The following PRPF39 variants were observed in gnomAD, a reference collection of about 807,000 sequenced individuals.
PRPF39 encodes the protein pre-mRNA-processing factor 39.
Under a neutral mutation model 82.1 loss-of-function variants are expected in PRPF39, and 27 were observed. That is an observed-to-expected ratio of 0.33 (90% confidence interval 0.24 to 0.45). The LOEUF (loss-of-function observed/expected upper bound fraction) is 0.45, where lower values mean the gene tolerates loss of function less well. Ranked by LOEUF, PRPF39 falls within the 20% of genes least tolerant of loss-of-function variation. The pLI, the probability that PRPF39 is intolerant of heterozygous loss-of-function variation, is 1.00. For missense variants in PRPF39, 581 were observed against 796.9 expected, an observed-to-expected ratio of 0.73 and a Z score of 3.26; for synonymous variants, 261 against 256.4, an observed-to-expected ratio of 1.02 and a Z score of -0.17.
chr14:45,111,631 C>CTT (rs58863567), intron 10 of PRPF39, among the ~76,000 whole-genome samples: 1,683 of 58,786 alleles, frequency 0.029, 352 homozygotes, highest in Non-Finnish European at 0.038. Context: ...TGCACCTGGG[C>CTT]TTTTTTTTTT....
intron 5 of PRPF39, 121 bp from the exon 6 acceptor site, chr14:45,107,330 G>T (rs1284572373): frequency 1.9e-5 from 13 of 699,658 alleles, no homozygotes; most frequent in Non-Finnish European, 2.7e-5. Context: ...AGGAGAAAAG[G>T]TATGATATTT....
intron 1 of PRPF39, among the ~76,000 whole-genome samples, chr14:45,084,580 G>T (rs941527864): frequency 2.6e-5 from 4 of 152,178 alleles, no homozygotes; most frequent in Admixed American, 2.6e-4. Flanking sequence ...GCTGGAACAC[G>T]GCTGGGGTGG....
Position 45,096,028 on chromosome 14 carries a change from A to G in PRPF39, c.325-75A>G, listed in dbSNP as rs992745353. ...TTTATTATTATTTTTTTAGATAATA[A>G]CGTTTGAAAGGAATAATAAATATTT... On this transcript the variant is annotated intron_variant, in intron 2 of 13. Transcript: ENST00000355765. 3.1e-6 allele frequency: 4 copies of G among 1,301,874 alleles called. No homozygotes were observed. In the African/African-American group the frequency reaches 6.0e-5, roughly 20 times the overall value. 80.6% of individuals were successfully genotyped at this position (1,301,874 alleles called of 1,614,324 possible). A position where few individuals can be genotyped will look rare whatever the true frequency, so the allele number is the denominator to read the frequency against.
chr14:45,102,769 A>T, intron 5 of PRPF39, 73 bp downstream of exon 5: 1 of 1,351,602 alleles, frequency 7.4e-7, no homozygotes, highest in South Asian at 1.4e-5. Context: ...TATTATAATT[A>T]TCTTGGAATG....
chr14:45,112,564 G>A, intron 11 of PRPF39, 62 bp downstream of exon 11: 2 of 1,364,836 alleles, frequency 1.5e-6, no homozygotes, highest in Non-Finnish European at 1.9e-6. Context: ...TTTGTATGGG[G>A]ATTTGATGAT....
rs775733628 is a variant in PRPF39 at position 45,108,390 on chromosome 14, A to ATT, written c.904-19_904-18dup. On this transcript the variant is annotated intron_variant, in intron 6 of 13. Transcript: ENST00000355765. ...TTTCAGTATACAGTTTGTGAGATTT[A>ATT]TTTTTTTCCCTTTTTCTTCCCAAGC... 5.1e-6 allele frequency: 8 copies of ATT among 1,560,660 alleles called. No homozygotes were observed. In the South Asian group the frequency reaches 9.8e-5, roughly 19 times the overall value.
intron 5 of PRPF39, among the ~76,000 whole-genome samples, chr14:45,104,782 C>G (rs1390995994): frequency 6.6e-6 from 1 of 152,162 alleles, no homozygotes; most frequent in Non-Finnish European, 1.5e-5. Context: ...CTGGTGGTTC[C>G]TGAGCTCTAG....
chr14:45,105,084 C>T (rs957457924), intron 5 of PRPF39, among the ~76,000 whole-genome samples: 1 of 152,096 alleles, frequency 6.6e-6, no homozygotes, highest in African/African-American at 2.4e-5. Context: ...AGGCTTAATT[C>T]TTTGTATCTC....
At chr14:45,114,129 T>TAATA in intron 11 of PRPF39, 54 bp from the exon 12 acceptor site, 1 of 1,310,790 alleles carries the variant, frequency 7.6e-7, no homozygotes, top group Non-Finnish European at 1.1e-6. Flanking sequence ...TTTAAATATT[T>TAATA]AATAAAGTTT....
intron 1 of PRPF39, among the ~76,000 whole-genome samples, chr14:45,085,199 C>T (rs1212189263): frequency 6.6e-6 from 1 of 152,212 alleles, no homozygotes; most frequent in Non-Finnish European, 1.5e-5. Flanking sequence ...GTCAGGTTTT[C>T]CTCCTCCCTC....
chr14:45,107,625 T>A lies in PRPF39; in HGVS notation c.903+9T>A, dbSNP rs753729399. ...TAACCGATCCTGCAAAGGTAACCAG[T>A]CTTATTCTAAAGTTCGTCAGTGGCC... is the stretch of plus-strand genomic sequence containing the variant. On this transcript the variant is annotated intron_variant, in intron 6 of 13. Coordinates refer to ENST00000355765, the MANE Select transcript of PRPF39 (RefSeq NM_017922.4). 3.2e-5 allele frequency: 50 copies of A among 1,549,986 alleles called. No individual in the cohort carries two copies. Among genetic ancestry groups the A allele is most frequent in the Non-Finnish European group, 8.7e-7 (1 of 1,145,692 alleles).
intron 1 of PRPF39, among the ~76,000 whole-genome samples, chr14:45,091,623 C>G (rs548832330): frequency 6.6e-6 from 1 of 150,712 alleles, no homozygotes; most frequent in Non-Finnish European, 1.5e-5. Context: ...GTATACAAAC[C>G]AATAAGAAAA....
intron 1 of PRPF39, among the ~76,000 whole-genome samples, chr14:45,087,131 G>A (rs897841556): frequency 6.6e-6 from 1 of 152,004 alleles, no homozygotes; most frequent in Non-Finnish European, 1.5e-5. Flanking sequence ...GTATTATTTC[G>A]CTCTGTCGCC....
At chr14:45,100,219 G>T (rs897528731) in intron 4 of PRPF39, among the ~76,000 whole-genome samples, 2 of 151,756 alleles carry the variant, frequency 1.3e-5, no homozygotes, top group African/African-American at 4.9e-5. Flanking sequence ...GACAGAGCGA[G>T]ACCCTGTCTC....
intron 6 of PRPF39, 129 bp downstream of exon 6, chr14:45,107,745 A>G (rs769809862): frequency 3.5e-6 from 3 of 859,238 alleles, no homozygotes; most frequent in Non-Finnish European, 5.3e-6. Flanking sequence ...TGTAGGCAAC[A>G]TGGTGAAACC....
At position 45,115,879 on chromosome 14, in the gene PRPF39, A is replaced by C; in HGVS notation, c.*966A>C. 2 of 243,552 alleles carry C rather than the reference A, an allele frequency of 8.2e-6. No homozygotes were observed. The highest frequency in any genetic ancestry group is 8.3e-6 in the Non-Finnish European group (1 of 120,756). The allele number at this position is 243,552 out of a possible 1,614,324, so 15.1% of individuals were successfully genotyped here. On this transcript the variant is annotated 3_prime_UTR_variant, in exon 14 of 14. Transcript: ENST00000355765. ...CCCTAATCAGAACAATAATATATTA[A>C]CACCAAACAAATCACAGTCAGATCA... is the stretch of plus-strand genomic sequence containing the variant.
intron 4 of PRPF39, among the ~76,000 whole-genome samples, chr14:45,098,444 C>T (rs1470987437): frequency 7.0e-6 from 1 of 142,622 alleles, no homozygotes; most frequent in Non-Finnish European, 1.5e-5. Flanking sequence ...AAGACCCTGT[C>T]TCAAAAAAAA....
chr14:45,084,715 T>C (rs1376320285), intron 1 of PRPF39, among the ~76,000 whole-genome samples: 1 of 152,148 alleles, frequency 6.6e-6, no homozygotes, highest in East Asian at 1.9e-4. Context: ...AGCAACACTT[T>C]TGCGACCCTA....
intron 7 of PRPF39, among the ~76,000 whole-genome samples, chr14:45,109,269 T>C (rs1884631286): frequency 6.6e-6 from 1 of 152,200 alleles, no homozygotes; most frequent in Admixed American, 6.5e-5. Flanking sequence ...CCTTGGCCCC[T>C]TTCCAGCCAG....
Sources: gnomAD v4.1 joint callset for allele counts (sites outside exome capture counted in the v4.1 genomes callset) on GRCh38, gnomAD v4.1.1 for gene constraint, MANE v1.5 for transcripts, NCBI Gene and HGNC (gene_info 2026-07-23, HGNC 2026-07-21) for gene names.